The following DNER variants were observed in gnomAD, a reference collection of about 807,000 sequenced individuals.
DNER encodes delta/notch like EGF repeat containing.
Under a neutral mutation model 78.2 loss-of-function variants are expected in DNER, and 33 were observed. That is an observed-to-expected ratio of 0.42 (90% CI 0.32 to 0.56). The LOEUF (loss-of-function observed/expected upper bound fraction) is 0.56, where lower values mean the gene tolerates loss of function less well. Ranked by LOEUF, DNER falls within the 20% of genes least tolerant of loss-of-function variation. The pLI is 0.11. For synonymous variants in DNER, 417 were observed against 384.8 expected (o/e 1.08, Z -0.98); for missense variants, 918 against 975.3 (o/e 0.94, Z 0.78).
chr2:229,659,493 C>T (rs1213789139), intron 1 of DNER, among the ~76,000 whole-genome samples: 1 of 152,064 alleles, frequency 6.6e-6, no homozygotes, highest in Non-Finnish European at 1.5e-5. Flanking sequence ...GACCTGGACC[C>T]GGGCAGACAA....
chr2:229,642,751 T>A (rs1343228398), intron 1 of DNER, among the ~76,000 whole-genome samples: 1 of 152,234 alleles, frequency 6.6e-6, no homozygotes, highest in East Asian at 1.9e-4. Flanking sequence ...AGCTTCTCTC[T>A]ACATCACACC....
chr2:229,702,855 T>C (rs1036153267), intron 1 of DNER, among the ~76,000 whole-genome samples: 1 of 143,248 alleles, frequency 7.0e-6, no homozygotes. Flanking sequence ...AGGTAGAGCT[T>C]GCAGTGAGCT....
chr2:229,683,582 G>T (rs987932774), intron 1 of DNER, among the ~76,000 whole-genome samples: 8 of 152,126 alleles, frequency 5.3e-5, no homozygotes, highest in African/African-American at 1.9e-4. Context: ...GGGTTATCAG[G>T]TCAGTTCAGA....
At chr2:229,447,980 C>T (rs1694374381) in intron 7 of DNER, among the ~76,000 whole-genome samples, 2 of 152,136 alleles carry the variant, frequency 1.3e-5, no homozygotes, top group African/African-American at 4.8e-5. Flanking sequence ...ATAGATATGA[C>T]ATAATCCTGA....
At chr2:229,495,985 G>A (rs1695492933) in intron 6 of DNER, among the ~76,000 whole-genome samples, 1 of 152,162 alleles carries the variant, frequency 6.6e-6, no homozygotes, top group Non-Finnish European at 1.5e-5. Flanking sequence ...GGGTATGACA[G>A]CTCTAGACAC....
chr2:229,630,982 TG>T (rs35907947), intron 1 of DNER, among the ~76,000 whole-genome samples: 66,223 of 152,010 alleles, frequency 0.44, 17,387 homozygotes, highest in Non-Finnish European at 0.59. Context: ...TTCTTTTTTA[TG>T]GCTGTGTAGT....
intron 6 of DNER, among the ~76,000 whole-genome samples, chr2:229,491,408 T>C (rs977464579): frequency 1.3e-5 from 2 of 152,098 alleles, no homozygotes; most frequent in East Asian, 1.9e-4. Flanking sequence ...CAGGTGAAGC[T>C]CTCATGACCC....
At chr2:229,713,132 G>A (rs1399842171) in intron 1 of DNER, among the ~76,000 whole-genome samples, 1 of 152,022 alleles carries the variant, frequency 6.6e-6, no homozygotes, top group African/African-American at 2.4e-5. Context: ...CCCAAATATC[G>A]TCCATATTCA....
chr2:229,394,259 C>T (rs527530379), intron 10 of DNER, among the ~76,000 whole-genome samples: 1 of 152,302 alleles, frequency 6.6e-6, no homozygotes, highest in South Asian at 2.1e-4. Context: ...TTCGATTGTC[C>T]TGCACATCCC....
chr2:229,512,996 C>G, intron 5 of DNER, 60 bp from the exon 6 acceptor site: 11 of 1,530,192 alleles, frequency 7.2e-6, no homozygotes, highest in Non-Finnish European at 9.7e-6. Flanking sequence ...TGTGCTTTGG[C>G]TGTGAGACTC....
intron 5 of DNER, among the ~76,000 whole-genome samples, chr2:229,530,570 C>T (rs2154212806): frequency 6.6e-6 from 1 of 152,382 alleles, no homozygotes; most frequent in East Asian, 1.9e-4. Flanking sequence ...GTATTCACGG[C>T]AATGGCCCGA....
At chr2:229,535,169 A>G (rs1343803711) in intron 5 of DNER, among the ~76,000 whole-genome samples, 1 of 152,230 alleles carries the variant, frequency 6.6e-6, no homozygotes, top group Non-Finnish European at 1.5e-5. Context: ...AATTTAATGC[A>G]TTAAATATCA....
intron 1 of DNER, among the ~76,000 whole-genome samples, chr2:229,691,327 C>T (rs1362264214): frequency 6.6e-6 from 1 of 152,064 alleles, no homozygotes; most frequent in Non-Finnish European, 1.5e-5. Flanking sequence ...TATTTACTTG[C>T]CAATATAACA....
intron 11 of DNER, among the ~76,000 whole-genome samples, chr2:229,373,690 C>T (rs779324345): frequency 5.3e-5 from 8 of 152,138 alleles, no homozygotes; most frequent in Non-Finnish European, 1.0e-4. Flanking sequence ...AACCAAGGTG[C>T]CTGCCCATCA....
At chr2:229,375,863 C>T (rs1033220403) in intron 11 of DNER, among the ~76,000 whole-genome samples, 1 of 152,132 alleles carries the variant, frequency 6.6e-6, no homozygotes, top group African/African-American at 2.4e-5. Context: ...ATTGTAATCC[C>T]CATAATCCTC....
At chr2:229,361,877 A>G (rs1425128784) in intron 12 of DNER, among the ~76,000 whole-genome samples, 1 of 146,458 alleles carries the variant, frequency 6.8e-6, no homozygotes, top group Non-Finnish European at 1.5e-5. Flanking sequence ...AAGTTAAAAC[A>G]TTAATAAGAA....
At chr2:229,542,524 T>A (rs1247147301) in intron 5 of DNER, among the ~76,000 whole-genome samples, 4 of 152,100 alleles carry the variant, frequency 2.6e-5, no homozygotes, top group African/African-American at 9.7e-5. Context: ...TTTTGATGGA[T>A]GATCTAATAA....
Position 229,595,788 on chromosome 2 carries a change from C to T in DNER, c.277-3900G>A, listed in dbSNP as rs1030685206. 2.0e-5 allele frequency among the ~76,000 whole-genome samples: 3 copies of T among 152,242 alleles called. No individual in the cohort carries two copies. In the East Asian group the frequency reaches 5.8e-4, roughly 29 times the overall value. Reference sequence around the variant, plus strand: ...GAATGCCTTGCTTCTCAAGGCTGCTCCTGAGCCACCTTTGAGTCTTTGCTC... The same window carrying T: ...GAATGCCTTGCTTCTCAAGGCTGCTTCTGAGCCACCTTTGAGTCTTTGCTC... On this transcript the variant is annotated intron_variant, in intron 1 of 12. Coordinates refer to ENST00000341772, the MANE Select transcript of DNER (RefSeq NM_139072.4).
At chr2:229,383,289 T>C (rs1417832326) in intron 11 of DNER, among the ~76,000 whole-genome samples, 1 of 152,152 alleles carries the variant, frequency 6.6e-6, no homozygotes, top group Non-Finnish European at 1.5e-5. Flanking sequence ...GAAAAACCAG[T>C]ACCAGCCACT....
Sources: allele counts gnomAD v4.1 joint callset (sites outside exome capture counted in the v4.1 genomes callset), GRCh38; gene constraint gnomAD v4.1.1; transcripts MANE v1.5; gene names NCBI Gene and HGNC (gene_info 2026-07-23, HGNC 2026-07-21).